The following SERPINB5 variants were observed in gnomAD, a reference collection of about 807,000 sequenced individuals.
SERPINB5 encodes the protein serpin family B member 5, also known as serpin B5.
In SERPINB5, 27 loss-of-function variants were observed where a neutral mutation model predicts 32.2. The observed-to-expected ratio is 0.84, with a 90% CI of 0.62 to 1.16. The LOEUF (loss-of-function observed/expected upper bound fraction) is 1.16. SERPINB5 is among the 50% of genes most tolerant of loss of function. The pLI is 0.00. For synonymous variants in SERPINB5, 154 were observed against 157.4 expected (o/e 0.98, Z 0.16); for missense variants, 388 against 436.3 (o/e 0.89, Z 0.99).
chr18:63,478,114 C>A (rs1444683880), intron 1 of SERPINB5, among the ~76,000 whole-genome samples: 1 of 152,184 alleles, frequency 6.6e-6, no homozygotes, highest in East Asian at 1.9e-4. Flanking sequence ...GGAGATGAAG[C>A]CTGTCTGAGG....
intron 4 of SERPINB5, among the ~76,000 whole-genome samples, chr18:63,490,459 G>T (rs1423772594): frequency 3.9e-5 from 6 of 152,140 alleles, no homozygotes; most frequent in Non-Finnish European, 8.8e-5. Flanking sequence ...CTCCCCAGTG[G>T]ATATATTTAT....
intron 1 of SERPINB5, among the ~76,000 whole-genome samples, chr18:63,481,363 AC>A (rs1014157479): frequency 6.6e-6 from 1 of 152,242 alleles, no homozygotes; most frequent in Non-Finnish European, 1.5e-5. Context: ...GATCTTAAAC[AC>A]CATCTTTCTA....
rs572045563 is a variant in SERPINB5, at chr18:63,498,361, G to C, written c.568-759G>C. On this transcript the variant is annotated intron_variant, in intron 5 of 6. Coordinates refer to ENST00000382771, the MANE Select transcript of SERPINB5 (RefSeq NM_002639.5). This position sits in a 1 kb window ranked among gnomAD's most constrained non-coding sequence, Gnocchi z 4.2. ...CAAGGTGCAGGATTACAGGCATGAG[G>C]CACCGTGCCCAGCCAGTTTTTGAAA... is the stretch of plus-strand genomic sequence containing the variant. Among the ~76,000 whole-genome samples the C allele has an allele frequency of 6.6e-5, 10 of 152,240 alleles. No homozygotes were observed. The highest frequency in any genetic ancestry group is 1.3e-4 in the Admixed American group (2 of 15,288).
chr18:63,491,358 C>T (rs902495797), intron 4 of SERPINB5, among the ~76,000 whole-genome samples: 8 of 140,130 alleles, frequency 5.7e-5, no homozygotes, highest in African/African-American at 1.3e-4. Context: ...GCTGAGATCG[C>T]GCCATTGCAC....
At chr18:63,484,739 A>ATATTTTTTTTT (rs1474564506) in intron 2 of SERPINB5, 143 bp downstream of exon 2, 68 of 144,732 alleles carry the variant, frequency 4.7e-4, no homozygotes, top group African/African-American at 2.7e-3. Context: ...GACTCTCTTA[A>ATATTTTTTTTT]TCTTTTTTTT....
intron 6 of SERPINB5, among the ~76,000 whole-genome samples, chr18:63,502,903 A>C (rs1909598324): frequency 6.6e-6 from 1 of 152,104 alleles, no homozygotes; most frequent in Non-Finnish European, 1.5e-5. Context: ...GTGTGCCTGT[A>C]ATCCCAGCTA....
chr18:63,492,274 C>T lies in SERPINB5; in HGVS notation c.425-679C>T, dbSNP rs191060564. Among the ~76,000 whole-genome samples, 268 of 152,250 alleles carry T rather than the reference C, an allele frequency of 1.8e-3. 2 individuals are homozygous for T. The highest frequency in any genetic ancestry group is 5.9e-3 in the African/African-American group (247 of 41,542). On this transcript the variant is annotated intron_variant, in intron 4 of 6. Transcript: ENST00000382771. ...TTGACCTTGAGGCAATCAGCCTGCC[C>T]GCAAGGAGTGCAATTGAGAGAGTGG...
chr18:63,487,919 T>C (rs764136955), intron 3 of SERPINB5, among the ~76,000 whole-genome samples: 2 of 152,146 alleles, frequency 1.3e-5, no homozygotes, highest in African/African-American at 2.4e-5. Context: ...GGTTAAGATC[T>C]TTTGAGGACA....
At chr18:63,484,300 C>T (rs1266886182) in intron 1 of SERPINB5, 122 bp from the exon 2 acceptor site, 1 of 1,001,404 alleles carries the variant, frequency 1.0e-6, no homozygotes, top group African/African-American at 1.7e-5. Context: ...ACAGAAAGTT[C>T]CTTGTTTCTT....
chr18:63,487,057 G>T lies in SERPINB5; in HGVS notation c.280G>T (p.Val94Leu), dbSNP rs377697959. 1.2e-6 allele frequency: 2 copies of T among 1,613,958 alleles called. No homozygotes were observed. Among genetic ancestry groups the T allele is most frequent in the Non-Finnish European group, 1.7e-6 (2 of 1,179,946 alleles). Residue 94 changes from valine to leucine, a missense_variant, in exon 3 of 7, where the codon GTA becomes TTA. By Grantham distance (32) the Val-to-Leu change is conservative (BLOSUM62 1). Transcript: ENST00000382771. ...YSLKLIKRLY[V>L]DKSLNLSTEF... is the part of the protein sequence containing the mutation. ...ACTGAAACTAATCAAGCGGCTCTACGTAGACAAATCTCTGAATCTTTCTAC... is the reference window on the plus strand; with the variant it reads ...ACTGAAACTAATCAAGCGGCTCTACTTAGACAAATCTCTGAATCTTTCTAC...
intron 4 of SERPINB5, 74 bp from the exon 5 acceptor site, chr18:63,492,879 G>A: frequency 2.6e-6 from 4 of 1,539,838 alleles, no homozygotes; most frequent in Non-Finnish European, 3.5e-6. Flanking sequence ...AATACTCAGT[G>A]AATATGCATG....
At chr18:63,495,413 A>C (rs1331858118) in intron 5 of SERPINB5, among the ~76,000 whole-genome samples, 1 of 152,182 alleles carries the variant, frequency 6.6e-6, no homozygotes, top group Non-Finnish European at 1.5e-5. Context: ...CTTTGCTGTC[A>C]TAGAGTGACC....
intron 2 of SERPINB5, chr18:63,485,545 A>C (rs1334939578): frequency 6.6e-6 from 1 of 152,208 alleles, no homozygotes; most frequent in Non-Finnish European, 1.5e-5. Flanking sequence ...TCCTGTGAAG[A>C]GGAGATGTAT....
At chr18:63,501,534 T>A (rs1909572207) in intron 6 of SERPINB5, among the ~76,000 whole-genome samples, 1 of 152,182 alleles carries the variant, frequency 6.6e-6, no homozygotes, top group Non-Finnish European at 1.5e-5. Flanking sequence ...AGCAGCATGA[T>A]TTATAATCCT....
chr18:63,490,593 C>G (rs1293163255), intron 4 of SERPINB5: 1 of 152,122 alleles, frequency 6.6e-6, no homozygotes, highest in Non-Finnish European at 1.5e-5. Context: ...CCACTTCCTG[C>G]GAGAATGACT....
Position 63,503,731 on chromosome 18 carries a change from G to A in SERPINB5, c.*9G>A, listed in dbSNP as rs780051672. ...AATTCTGTTCTCCTTAAGTGGCATA[G>A]CCCATGTTAAGTCCTCCCTGACTTT... On this transcript the variant is annotated 3_prime_UTR_variant, in exon 7 of 7. Coordinates refer to ENST00000382771, the MANE Select transcript of SERPINB5 (RefSeq NM_002639.5). 2.5e-6 allele frequency: 4 copies of A among 1,613,238 alleles called. No individual in the cohort carries two copies. In the Admixed American group the frequency reaches 6.7e-5, roughly 27 times the overall value.
At position 63,503,861 on chromosome 18, in the gene SERPINB5, T is replaced by C. The variant is rs1292641984; in HGVS notation, c.*139T>C. 4.8e-6 allele frequency: 4 copies of C among 830,406 alleles called. No homozygotes were observed. Among genetic ancestry groups the C allele is most frequent in the African/African-American group, 3.4e-5 (2 of 58,674 alleles). 51.4% of individuals were successfully genotyped at this position (830,406 alleles called of 1,614,324 possible). A position where few individuals can be genotyped will look rare whatever the true frequency, so the allele number is the denominator to read the frequency against. Reference sequence around the variant, plus strand: ...CAGGAAGCCGCCAGTACTTGTCATATGTAGCCTTCACACAGATAGACCTTT... The same window carrying C: ...CAGGAAGCCGCCAGTACTTGTCATACGTAGCCTTCACACAGATAGACCTTT... On this transcript the variant is annotated 3_prime_UTR_variant, in exon 7 of 7. Transcript: ENST00000382771.
intron 4 of SERPINB5, among the ~76,000 whole-genome samples, chr18:63,491,325 C>T (rs1375941272): frequency 4.7e-5 from 7 of 147,380 alleles, no homozygotes; most frequent in Middle Eastern, 3.6e-3. Context: ...TCGCTTGAAC[C>T]TGGGAGGCGG....
rs1368127174 is a variant in SERPINB5 at position 63,493,072 on chromosome 18, G to T, written c.544G>T (p.Glu182Ter). 6.2e-7 allele frequency: 1 copy of T among 1,614,206 alleles called. No individual in the cohort carries two copies. Among genetic ancestry groups the T allele is most frequent in the South Asian group, 1.1e-5 (1 of 91,090 alleles). The stretch of plus-strand genomic sequence containing the variant: ...GAAATTTTCTGAATCAGAAACAAAA[G>T]AATGTCCTTTCAGAGTCAACAAGGT... ...MKKFSESETK[E>*]CPFRVNKTDT... The change falls in exon 5 of 7, where the codon GAA becomes TAA. Residue 182 changes from glutamate to a stop codon, truncating the protein, a stop_gained. Transcript: ENST00000382771. LOFTEE classifies it high-confidence loss of function.
Sources: gnomAD v4.1 joint callset for allele counts (sites outside exome capture counted in the v4.1 genomes callset) on GRCh38, gnomAD v4.1.1 for gene constraint, Gnocchi (gnomAD v3.1) non-coding constraint, MANE v1.5 for transcripts, NCBI Gene and HGNC (gene_info 2026-07-23, HGNC 2026-07-21) for gene names.